Variants in ARHGAP31 observed in about 807,000 individuals in gnomAD.
ARHGAP31 encodes the protein Rho GTPase activating protein 31.
ARHGAP31 carries 34 observed loss-of-function variants against 113.9 expected under a neutral mutation model. The observed-to-expected ratio is 0.30, with a 90% CI of 0.23 to 0.40. The LOEUF (loss-of-function observed/expected upper bound fraction) is 0.40. ARHGAP31 is among the 10% of genes least tolerant of loss of function. The probability of loss-of-function intolerance (pLI) is 1.00; values close to 1 mark genes in which losing one functional copy is unlikely to be tolerated. For synonymous variants in ARHGAP31, 650 were observed against 684.8 expected (o/e 0.95, Z 0.79); for missense variants, 1,548 against 1,767.1 (o/e 0.88, Z 2.22).
chr3:119,405,896 G>A (rs1234153325), intron 10 of ARHGAP31, among the ~76,000 whole-genome samples: 3 of 152,208 alleles, frequency 2.0e-5, no homozygotes, highest in African/African-American at 7.2e-5. Context: ...CTTACCCAAG[G>A]ATAGAAGCCA....
chr3:119,400,310 C>A (rs1441613425), intron 9 of ARHGAP31, among the ~76,000 whole-genome samples: 7 of 151,982 alleles, frequency 4.6e-5, no homozygotes, highest in Non-Finnish European at 8.8e-5. Context: ...GTGGTGCATG[C>A]CTATAATTCC....
At chr3:119,328,184 C>G (rs2079861918) in intron 1 of ARHGAP31, among the ~76,000 whole-genome samples, 1 of 152,098 alleles carries the variant, frequency 6.6e-6, no homozygotes, top group African/African-American at 2.4e-5. Context: ...AATTATGGCT[C>G]AAGGGAAGGG....
intron 1 of ARHGAP31, among the ~76,000 whole-genome samples, chr3:119,333,576 T>A (rs1041755837): frequency 2.0e-5 from 3 of 152,244 alleles, no homozygotes; most frequent in African/African-American, 7.2e-5. Flanking sequence ...GATGTCTAGC[T>A]TAGATTTGTG....
chr3:119,412,381 T>C (rs890268469), intron 11 of ARHGAP31, among the ~76,000 whole-genome samples: 1 of 145,862 alleles, frequency 6.9e-6, no homozygotes, highest in Non-Finnish European at 1.5e-5. Flanking sequence ...AAAGTGAAAC[T>C]CTTTTGTCTC....
At chr3:119,309,591 CAA>C (rs67779366) in intron 1 of ARHGAP31, among the ~76,000 whole-genome samples, 4 of 147,562 alleles carry the variant, frequency 2.7e-5, no homozygotes, top group Non-Finnish European at 6.0e-5. Flanking sequence ...TCTGTCTCTA[CAA>C]AAAAAAAAAT....
chr3:119,360,225 A>G (rs575407186), intron 1 of ARHGAP31, among the ~76,000 whole-genome samples: 8 of 151,662 alleles, frequency 5.3e-5, no homozygotes, highest in Non-Finnish European at 1.2e-4. Flanking sequence ...AGGCTTTATC[A>G]CTCCTTGTTG....
intron 1 of ARHGAP31, among the ~76,000 whole-genome samples, chr3:119,337,300 C>T (rs1454043944): frequency 2.0e-5 from 3 of 151,918 alleles, no homozygotes; most frequent in Non-Finnish European, 2.9e-5. Flanking sequence ...CAGACCTTTG[C>T]GTTGAGTGTT....
chr3:119,391,604 C>CCCCCCCCCCCCCCCCCCCT (rs1559990429), intron 7 of ARHGAP31, among the ~76,000 whole-genome samples: 1 of 113,396 alleles, frequency 8.8e-6, no homozygotes, highest in African/African-American at 4.2e-5. Flanking sequence ...CCCCTCCCCC[C>CCCCCCCCCCCCCCCCCCCT]CGCCGTCACT....
At chr3:119,347,718 C>T (rs2080072192) in intron 1 of ARHGAP31, among the ~76,000 whole-genome samples, 1 of 152,134 alleles carries the variant, frequency 6.6e-6, no homozygotes, top group South Asian at 2.1e-4. Flanking sequence ...TCTGTGTACC[C>T]AAGAAAAGGG....
At chr3:119,407,119 G>A (rs11919404) in intron 10 of ARHGAP31, among the ~76,000 whole-genome samples, 17,270 of 152,006 alleles carry the variant, frequency 0.11, 2,410 homozygotes, top group African/African-American at 0.34. Context: ...GCCGGGGTAG[G>A]CAGATCACCT....
intron 3 of ARHGAP31, among the ~76,000 whole-genome samples, chr3:119,379,115 G>A (rs2077095716): frequency 6.6e-6 from 1 of 152,220 alleles, no homozygotes; most frequent in South Asian, 2.1e-4. Context: ...AAAAAACTTA[G>A]TGGGCAAAGC....
intron 1 of ARHGAP31, among the ~76,000 whole-genome samples, chr3:119,332,627 TCTCTCTCTCACA>T (rs1383465364): frequency 2.0e-4 from 24 of 121,416 alleles, no homozygotes; most frequent in East Asian, 1.5e-3. Flanking sequence ...TCTCTCTCTC[TCTCTCTCTCACA>T]CACACACACA....
At chr3:119,391,960 C>T (rs1252884462) in intron 7 of ARHGAP31, among the ~76,000 whole-genome samples, 2 of 152,160 alleles carry the variant, frequency 1.3e-5, no homozygotes, top group Non-Finnish European at 2.9e-5. Context: ...CCCTGATCCT[C>T]CAGAGATCAG....
chr3:119,322,543 AG>A (rs1334488690), intron 1 of ARHGAP31: 14 of 153,096 alleles, frequency 9.1e-5, no homozygotes, highest in Admixed American at 1.3e-4. Flanking sequence ...GCCCGCGGCC[AG>A]CGCCTCCACC....
At chr3:119,337,329 G>A (rs747860992) in intron 1 of ARHGAP31, among the ~76,000 whole-genome samples, 24 of 152,176 alleles carry the variant, frequency 1.6e-4, no homozygotes, top group East Asian at 1.2e-3. Context: ...TAAAGTTGGC[G>A]CGTCCAGAGT....
At chr3:119,413,207 C>T (rs111482821) in intron 11 of ARHGAP31, among the ~76,000 whole-genome samples, 6,526 of 151,018 alleles carry the variant, frequency 0.043, 204 homozygotes, top group Non-Finnish European at 0.067. Context: ...ATCCCAGCTA[C>T]TTGGGAGGCT....
intron 1 of ARHGAP31, among the ~76,000 whole-genome samples, chr3:119,313,168 A>G (rs2079697648): frequency 2.0e-5 from 3 of 152,210 alleles, no homozygotes; most frequent in Admixed American, 6.5e-5. Context: ...TTAAAATGTA[A>G]AAGACTCTAA....
intron 3 of ARHGAP31, 70 bp from the exon 4 acceptor site, chr3:119,380,834 T>G (rs1446401329): frequency 2.3e-6 from 3 of 1,330,150 alleles, no homozygotes; most frequent in Non-Finnish European, 3.2e-6. Context: ...GCTTGAGTGA[T>G]CCCAGCACAT....
At chr3:119,402,563 G>A (rs181095587) in intron 10 of ARHGAP31, among the ~76,000 whole-genome samples, 166 bp downstream of exon 10, 230 of 152,326 alleles carry the variant, frequency 1.5e-3, no homozygotes, top group African/African-American at 4.6e-3. Flanking sequence ...TCTTCAGCAG[G>A]TTAATGTAAC....
Sources: gnomAD v4.1 joint callset for allele counts (sites outside exome capture counted in the v4.1 genomes callset) on GRCh38, gnomAD v4.1.1 for gene constraint, MANE v1.5 for transcripts, NCBI Gene and HGNC (gene_info 2026-07-23, HGNC 2026-07-21) for gene names.